RPL23: variants seen among roughly 807,000 people sequenced by gnomAD.
RPL23 encodes the protein ribosomal protein L23.
For synonymous variants in RPL23, 63 were observed against 65.3 expected (o/e 0.97, Z 0.17); for missense variants, 79 against 178.8 (o/e 0.44, Z 3.18).
chr17:38,852,396 A>C (rs1913028352), intron 3 of RPL23: 3 of 588,480 alleles, frequency 5.1e-6, no homozygotes, highest in East Asian at 3.0e-5. Context: ...CAAAACAAAA[A>C]CAACAACAAA....
At chr17:38,852,920 A>G in intron 2 of RPL23, 102 bp downstream of exon 2, 2 of 1,382,564 alleles carry the variant, frequency 1.4e-6, no homozygotes, top group Non-Finnish European at 2.1e-6. Context: ...CCCAAAAGCG[A>G]TGTTTTCACT....
intron 3 of RPL23, 38 bp from the exon 4 acceptor site, chr17:38,850,513 C>T (rs573512530): frequency 7.0e-7 from 1 of 1,436,852 alleles, no homozygotes; most frequent in African/African-American, 1.4e-5. Context: ...ATTAACCTGT[C>T]AAGTCGCAGT....
intron 1 of RPL23, chr17:38,853,347 C>A: frequency 1.4e-6 from 1 of 690,868 alleles, no homozygotes; most frequent in Admixed American, 2.1e-5. Context: ...ACGACTCAAC[C>A]CTTGCTCTAA....
rs1912909687 is a variant in RPL23 at position 38,848,160 on chromosome 17, GGGCTTGTCACACT to G, written c.*1959_*1971del. ...ATAAAGACATAAATGGTGGGCCTAG[GGGCTTGTCACACT>G]AAAGCTGACTTGAAATTGACCATAC... On this transcript the variant is annotated 3_prime_UTR_variant, in exon 5 of 5. Coordinates refer to ENST00000479035, the MANE Select transcript of RPL23 (RefSeq NM_000978.4). 1.1e-5 allele frequency: 14 copies of G among 1,290,870 alleles called. No individual in the cohort carries two copies. The South Asian group carries it at 2.6e-4, about 24-fold the overall frequency. The allele number at this position is 1,290,870 out of a possible 1,614,324, so 80.0% of individuals were successfully genotyped here.
rs988346505 is a variant in RPL23, at chr17:38,849,440, T to C, written c.*692A>G. The C allele has an allele frequency of 7.2e-5, 11 of 152,068 alleles. No homozygotes were observed. The highest frequency in any genetic ancestry group is 2.6e-4 in the Admixed American group (4 of 15,242). The allele number at this position is 152,068 out of a possible 1,614,324, so 9.4% of individuals were successfully genotyped here. ...ATCTCGACTCGCTGCAAACTCCACC[T>C]CCCAGGTTCAAGCGATTCTCTCAGT... is the stretch of plus-strand genomic sequence containing the variant. On this transcript the variant is annotated 3_prime_UTR_variant, in exon 5 of 5. Transcript: ENST00000479035.
Position 38,850,229 on chromosome 17 carries a change from T to A in RPL23, c.341-15A>T, listed in dbSNP as rs749374669. 5.1e-6 allele frequency: 8 copies of A among 1,554,548 alleles called. No individual in the cohort carries two copies. Among genetic ancestry groups the A allele is most frequent in the East Asian group, 2.3e-5 (1 of 43,270 alleles). The stretch of plus-strand genomic sequence containing the variant: ...AATGGCAGAACCTGCATTAAAAAAA[T>A]AAAATAAAATAAAATAAAAACATGT... On this transcript the variant is annotated splice_polypyrimidine_tract_variant and intron_variant, in intron 4 of 4. Coordinates refer to ENST00000479035, the MANE Select transcript of RPL23 (RefSeq NM_000978.4).
intron 4 of RPL23, 48 bp from the exon 5 acceptor site, chr17:38,850,262 A>C: frequency 1.9e-6 from 3 of 1,550,750 alleles, no homozygotes; most frequent in Non-Finnish European, 2.6e-6. Context: ...TGTGGGGGAC[A>C]GATTAAGACA....
rs367956826 is a variant in RPL23 at position 38,853,084 on chromosome 17, G to A, written c.35C>T (p.Ala12Val). The A allele has an allele frequency of 6.2e-7, 1 of 1,613,854 alleles. No individual in the cohort carries two copies. The highest frequency in any genetic ancestry group is 8.5e-7 in the Non-Finnish European group (1 of 1,179,924). ...AAGACCCAAGGAAATCCGGAATTTC[G>A]CACCAGAGGACCCACCACGTCCTGT... is the stretch of plus-strand genomic sequence containing the variant. Reference protein sequence around the residue: ...SKRGRGGSSGAKFRISLGLPV... With the variant: ...SKRGRGGSSGVKFRISLGLPV... Residue 12 changes from alanine to valine, a missense_variant, in exon 2 of 5, where the codon GCG (alanine) becomes GTG (valine). Transcript: ENST00000479035.
intron 1 of RPL23, 128 bp from the exon 2 acceptor site, chr17:38,853,233 T>C: frequency 1.3e-6 from 1 of 751,596 alleles, no homozygotes; most frequent in Non-Finnish European, 2.3e-6. Flanking sequence ...ATAGATTAGC[T>C]CGCTCGGATT....
chr17:38,850,015 G>T lies in RPL23; in HGVS notation c.*117C>A, dbSNP rs1598092482. On this transcript the variant is annotated 3_prime_UTR_variant, in exon 5 of 5. Transcript: ENST00000479035. The stretch of plus-strand genomic sequence containing the variant: ...TGCCTGTAATCCCAGCTACTTAGGA[G>T]GCTGAGGCAGGAGAATCGCTTGAAC... 1.4e-6 allele frequency: 1 copy of T among 706,356 alleles called. No individual in the cohort carries two copies. Among genetic ancestry groups the T allele is most frequent in the East Asian group, 3.0e-5 (1 of 33,888 alleles). The allele number at this position is 706,356 out of a possible 1,614,324, so 43.8% of individuals were successfully genotyped here.
At chr17:38,850,288 G>T in intron 4 of RPL23, 74 bp from the exon 5 acceptor site, 1 of 1,548,500 alleles carries the variant, frequency 6.5e-7, no homozygotes, top group Non-Finnish European at 8.9e-7. Context: ...AAACACAGAA[G>T]ATCCTTGGCC....
intron 3 of RPL23, chr17:38,851,599 T>A (rs1913004820): frequency 6.6e-6 from 1 of 152,234 alleles, no homozygotes; most frequent in South Asian, 2.1e-4. Flanking sequence ...CCATTTGCTC[T>A]GCTCTTCTCT....
chr17:38,852,454 C>T, intron 3 of RPL23, 150 bp downstream of exon 3: 1 of 931,052 alleles, frequency 1.1e-6, no homozygotes, highest in South Asian at 1.7e-5. Context: ...CCCCCTCCAA[C>T]ACAATATGAG....
At chr17:38,851,835 C>T (rs1374020289) in intron 3 of RPL23, 3 of 152,220 alleles carry the variant, frequency 2.0e-5, no homozygotes, top group African/African-American at 7.2e-5. Context: ...ATCAACATCA[C>T]ATTTGTAAAT....
chr17:38,848,241 T>C lies in RPL23; in HGVS notation c.*1891A>G. The C allele has an allele frequency of 1.4e-6, 1 of 696,224 alleles. No individual in the cohort carries two copies. The allele number at this position is 696,224 out of a possible 1,614,324, so 43.1% of individuals were successfully genotyped here. On this transcript the variant is annotated 3_prime_UTR_variant, in exon 5 of 5. Transcript: ENST00000479035. ...TAACTCTCTAAAACTAGAGATTTAA[T>C]ACATTTTTTTTCTTTCCCCCCAGAG... is the stretch of plus-strand genomic sequence containing the variant.
At chr17:38,851,231 T>G (rs1912993264) in intron 3 of RPL23, 1 of 152,174 alleles carries the variant, frequency 6.6e-6, no homozygotes, top group Non-Finnish European at 1.5e-5. Flanking sequence ...ACACAGAATT[T>G]TTATGACAGG....
At chr17:38,850,875 GTTA>G (rs1027167711) in intron 3 of RPL23, 1 of 156,312 alleles carries the variant, frequency 6.4e-6, no homozygotes, top group Non-Finnish European at 1.4e-5. Flanking sequence ...TTACAGGTAG[GTTA>G]TTAAGATCCC....
chr17:38,852,369 C>CA (rs1475091037), intron 3 of RPL23: 9 of 514,576 alleles, frequency 1.7e-5, no homozygotes, highest in African/African-American at 3.9e-5. Flanking sequence ...GACTCCATCT[C>CA]AAAAAACAAA....
At chr17:38,852,975 T>A (rs182421097) in intron 2 of RPL23, 47 bp downstream of exon 2, 1 of 1,550,152 alleles carries the variant, frequency 6.5e-7, no homozygotes, top group Non-Finnish European at 8.9e-7. Flanking sequence ...CACAGGCCCA[T>A]TGAGTGCTTT....
Sources: allele counts gnomAD v4.1 joint callset, GRCh38; gene constraint gnomAD v4.1.1; transcripts MANE v1.5; gene names NCBI Gene and HGNC (gene_info 2026-07-23, HGNC 2026-07-21).